Variants in WASHC5 observed in about 807,000 individuals in gnomAD.
WASHC5 encodes the protein WASH complex subunit 5.
WASHC5 carries 101 observed loss-of-function variants against 150.4 expected under a neutral mutation model. That is an observed-to-expected ratio of 0.67 (90% CI 0.57 to 0.79). WASHC5 has a LOEUF of 0.79. Among genes scored for constraint, WASHC5 ranks in the 30% least tolerant of loss-of-function variants. WASHC5 has a pLI of 0.00. For synonymous variants in WASHC5, 467 were observed against 491.2 expected, an observed-to-expected ratio of 0.95 and a Z score of 0.65; for missense variants, 1,195 against 1,396.3, an observed-to-expected ratio of 0.86 and a Z score of 2.30.
chr8:125,029,721 C>T (rs548453780), intron 27 of WASHC5, among the ~76,000 whole-genome samples: 64 of 152,350 alleles, frequency 4.2e-4, no homozygotes, highest in African/African-American at 1.4e-3. Context: ...ATAGAGCTAA[C>T]GTTCCTTCTT....
intron 28 of WASHC5, among the ~76,000 whole-genome samples, 199 bp from the exon 29 acceptor site, chr8:125,024,872 C>T (rs953754648): frequency 1.3e-5 from 2 of 151,920 alleles, no homozygotes; most frequent in Non-Finnish European, 2.9e-5. Context: ...GCACTGCTAA[C>T]ATTTGAGGGG....
At chr8:125,043,371 CA>C (rs1490448244) in intron 23 of WASHC5, among the ~76,000 whole-genome samples, 7 of 152,172 alleles carry the variant, frequency 4.6e-5, no homozygotes, top group African/African-American at 1.7e-4. Flanking sequence ...CTGCTTTCTG[CA>C]GAGTATAAGG....
chr8:125,044,699 C>G lies in WASHC5; in HGVS notation c.2505-1G>C, dbSNP rs953586472. 6.8e-6 allele frequency: 11 copies of G among 1,613,802 alleles called. No homozygotes were observed. The highest frequency in any genetic ancestry group is 8.5e-6 in the Non-Finnish European group (10 of 1,179,914). ...CAGCTGGTCTATGTGACATGTCATT[C>G]TAAAATGAAAACAATGCAAAAACCC... On this transcript the variant is annotated splice_acceptor_variant, in intron 20 of 28. Coordinates refer to ENST00000318410, the MANE Select transcript of WASHC5 (RefSeq NM_014846.4). LOFTEE classifies it high-confidence loss of function.
intron 9 of WASHC5, among the ~76,000 whole-genome samples, chr8:125,069,330 T>C (rs1476918189): frequency 6.6e-6 from 1 of 152,208 alleles, no homozygotes; most frequent in Non-Finnish European, 1.5e-5. Flanking sequence ...TTTATACATT[T>C]CCTACTCTGT....
rs530325620 is a variant in WASHC5, at chr8:125,031,214, G to A, written c.3335+1027C>T. On this transcript the variant is annotated intron_variant, in intron 27 of 28. Transcript: ENST00000318410. ...AGTGGGAGGTCAATTAAATGACCTC[G>A]AAAATCATTTCCAGTTTTAGGACTT... Among the ~76,000 whole-genome samples, 51 of 152,292 alleles carry A rather than the reference G, an allele frequency of 3.3e-4. No homozygotes were observed. The South Asian group carries it at 9.5e-3, about 28-fold the overall frequency.
intron 10 of WASHC5, among the ~76,000 whole-genome samples, chr8:125,066,587 A>G (rs1431306578): frequency 1.3e-5 from 2 of 152,154 alleles, no homozygotes; most frequent in African/African-American, 4.8e-5. Flanking sequence ...GACCTTGTAC[A>G]AATGCAAATC....
intron 8 of WASHC5, among the ~76,000 whole-genome samples, chr8:125,073,656 C>T (rs1264336487): frequency 1.3e-5 from 2 of 152,098 alleles, no homozygotes; most frequent in Non-Finnish European, 2.9e-5. Context: ...TCAAAGATAA[C>T]ATTTCTATAT....
chr8:125,087,167 G>C (rs1817443813), intron 1 of WASHC5, among the ~76,000 whole-genome samples: 1 of 152,208 alleles, frequency 6.6e-6, no homozygotes, highest in Non-Finnish European at 1.5e-5. Flanking sequence ...ACAGCATGCT[G>C]ATGCTGTTAT....
At chr8:125,036,555 C>T (rs1815713043) in intron 26 of WASHC5, among the ~76,000 whole-genome samples, 1 of 147,158 alleles carries the variant, frequency 6.8e-6, no homozygotes, top group Admixed American at 6.6e-5. Context: ...CACCTATAGT[C>T]CCAGCTACTC....
In WASHC5 at chr8:125,078,882, C is replaced by T. The variant is rs768597587; in HGVS notation, c.567G>A (p.Leu189=). Residue 189 remains leucine (L), a synonymous_variant, in exon 6 of 29, where the codon CTG becomes CTA. Coordinates refer to ENST00000318410, the MANE Select transcript of WASHC5 (RefSeq NM_014846.4). ...ADSNMDDICK[L]LRSTGYSSQP... The stretch of plus-strand genomic sequence containing the variant: ...GGCTAGAATAACCTGTACTTCGAAG[C>T]AGCTTACAAATATCGTCCATATTTG... The T allele has an allele frequency of 4.3e-6, 7 of 1,613,772 alleles. No individual in the cohort carries two copies. The highest frequency in any genetic ancestry group is 3.4e-6 in the Non-Finnish European group (4 of 1,179,950).
intron 12 of WASHC5, 64 bp from the exon 13 acceptor site, chr8:125,059,606 T>C: frequency 8.4e-7 from 1 of 1,195,544 alleles, no homozygotes. Context: ...TCATTTGTTC[T>C]TGAAAACACT....
intron 1 of WASHC5, among the ~76,000 whole-genome samples, chr8:125,086,866 A>G (rs74463038): frequency 0.027 from 4,100 of 152,270 alleles, 196 homozygotes; most frequent in African/African-American, 0.095. Context: ...AGAATGAAGA[A>G]AGCCAGCAGA....
chr8:125,076,396 A>G lies in WASHC5; in HGVS notation c.816T>C (p.His272=). The G allele has an allele frequency of 1.2e-6, 2 of 1,613,914 alleles. No homozygotes were observed. Among genetic ancestry groups the G allele is most frequent in the Non-Finnish European group, 1.7e-6 (2 of 1,179,904 alleles). The part of the protein sequence containing the change: ...LYFEPSILHT[H]QAKMREIVDK... ...CCACTATCTCTCTCATTTTTGCTTG[A>G]TGGGTGTGAAGGATGGAAGGCTCAA... The change falls in exon 7 of 29, where the codon CAT becomes CAC. Residue 272 remains histidine (H), a synonymous_variant. Transcript: ENST00000318410.
Position 125,067,677 on chromosome 8 carries a change from T to A in WASHC5, c.1193A>T (p.Gln398Leu). The A allele has an allele frequency of 6.2e-7, 1 of 1,613,912 alleles. No individual in the cohort carries two copies. ...ATTGTACCGAGAGTCTGTTAGAATC[T>A]GGTCCTTGATTTGACGAAGGCGTTT... ...NNKRLRQIKD[Q>L]ILTDSRYNPR... Residue 398 changes from glutamine (Q) to leucine (L), a missense_variant, in exon 10 of 29, where the codon CAG (glutamine) becomes CTG (leucine). Around this residue, in one of 3 missense-constraint regions of WASHC5, gnomAD observed 997 missense variants for 1,168.1 expected, o/e 0.85. Transcript: ENST00000318410.
chr8:125,039,919 G>T, intron 23 of WASHC5, 21 bp from the exon 24 acceptor site: 1 of 1,535,282 alleles, frequency 6.5e-7, no homozygotes, highest in South Asian at 1.1e-5. Flanking sequence ...GCAAGAGAAA[G>T]AACAGGTAGT....
intron 15 of WASHC5, 112 bp from the exon 16 acceptor site, chr8:125,056,929 A>C: frequency 4.7e-6 from 6 of 1,290,186 alleles, no homozygotes; most frequent in Non-Finnish European, 5.6e-6. Context: ...AAAAATGTAA[A>C]AGAGCTGTTT....
chr8:125,057,389 C>T (rs565670734), intron 15 of WASHC5, among the ~76,000 whole-genome samples, 167 bp downstream of exon 15: 6 of 152,276 alleles, frequency 3.9e-5, no homozygotes, highest in African/African-American at 1.4e-4. Flanking sequence ...TGTACATCCA[C>T]AGTAGCAATA....
intron 9 of WASHC5, among the ~76,000 whole-genome samples, chr8:125,069,322 T>C (rs924586605): frequency 1.3e-5 from 2 of 152,226 alleles, no homozygotes; most frequent in African/African-American, 2.4e-5. Context: ...TAAACTTCTT[T>C]ATACATTTCC....
chr8:125,073,099 T>C, intron 9 of WASHC5, 54 bp downstream of exon 9: 1 of 1,569,342 alleles, frequency 6.4e-7, no homozygotes, highest in Middle Eastern at 1.7e-4. Flanking sequence ...TAGGTCCTGA[T>C]TCTGAGAGTC....
Sources: gnomAD v4.1 joint callset for allele counts (sites outside exome capture counted in the v4.1 genomes callset) on GRCh38, gnomAD v4.1.1 for gene constraint, gnomAD v4.1.1 regional missense constraint, MANE v1.5 for transcripts, NCBI Gene and HGNC (gene_info 2026-07-23, HGNC 2026-07-21) for gene names.